The following SPHKAP variants were observed in gnomAD, a reference collection of about 807,000 sequenced individuals.
SPHKAP encodes SPHK1 interactor, AKAP domain containing.
In SPHKAP, 67 loss-of-function variants were observed where a neutral mutation model predicts 137.5. That is an observed-to-expected ratio of 0.49 (90% confidence interval 0.40 to 0.60). SPHKAP has a LOEUF of 0.60. SPHKAP is among the 20% of genes least tolerant of loss of function. SPHKAP has a pLI of 0.00. For synonymous variants in SPHKAP, 813 were observed against 785.3 expected, an observed-to-expected ratio of 1.04 and a Z score of -0.59; for missense variants, 2,097 against 2,069.3, an observed-to-expected ratio of 1.01 and a Z score of -0.26.
At chr2:228,027,737 G>A (rs568116936) in intron 3 of SPHKAP, among the ~76,000 whole-genome samples, 194 bp from the exon 4 acceptor site, 64 of 152,148 alleles carry the variant, frequency 4.2e-4, no homozygotes, top group Non-Finnish European at 6.9e-4. Context: ...GGAGGCCAAG[G>A]CGGGCAGATC....
chr2:228,070,898 A>G (rs1293824972), intron 3 of SPHKAP, among the ~76,000 whole-genome samples: 1 of 152,158 alleles, frequency 6.6e-6, no homozygotes, highest in Non-Finnish European at 1.5e-5. Context: ...ATGTTTGGGA[A>G]CAAATAGACC....
intron 9 of SPHKAP, among the ~76,000 whole-genome samples, chr2:227,992,011 T>A (rs1011563209): frequency 1.3e-5 from 2 of 152,152 alleles, no homozygotes; most frequent in African/African-American, 4.8e-5. Flanking sequence ...TTGGAGGTGT[T>A]TTCATATGGT....
intron 3 of SPHKAP, among the ~76,000 whole-genome samples, chr2:228,042,930 G>A (rs901072877): frequency 1.3e-5 from 2 of 152,162 alleles, no homozygotes; most frequent in South Asian, 2.1e-4. Context: ...ATGGGTGCCA[G>A]CATTATGGGT....
rs915922377 is a variant in SPHKAP, at chr2:228,019,532, G to T, written c.1322C>A (p.Ser441Tyr). 4 of 1,614,182 alleles carry T rather than the reference G, an allele frequency of 2.5e-6. No individual in the cohort carries two copies. Among genetic ancestry groups the T allele is most frequent in the African/African-American group, 1.3e-5 (1 of 75,046 alleles). The change falls in exon 7 of 12, where the codon TCT (serine) becomes TAT (tyrosine). Residue 441 changes from serine (S) to tyrosine (Y), a missense_variant. Physicochemically the swap from Ser to Tyr is moderately radical, Grantham distance 144. Transcript: ENST00000392056. ...TTTGGGGAGCTCATTCCATGACCGAGAAACCACTGTATCTTTTGTGGAATA... is the reference window on the plus strand; with the variant it reads ...TTTGGGGAGCTCATTCCATGACCGATAAACCACTGTATCTTTTGTGGAATA... ...SCYSTKDTVVSRSWNELPKIV... is the reference protein window; with the variant it reads ...SCYSTKDTVVYRSWNELPKIV...
chr2:228,045,322 A>G (rs1371140289), intron 3 of SPHKAP, among the ~76,000 whole-genome samples: 1 of 143,304 alleles, frequency 7.0e-6, no homozygotes, highest in East Asian at 2.0e-4. Flanking sequence ...AGCACTATTC[A>G]CTATAGCAAA....
At chr2:228,064,108 G>C (rs1161897937) in intron 3 of SPHKAP, among the ~76,000 whole-genome samples, 1 of 152,132 alleles carries the variant, frequency 6.6e-6, no homozygotes, top group Non-Finnish European at 1.5e-5. Context: ...CTTAAAGTCA[G>C]AATCATAAGT....
At chr2:228,032,070 G>A (rs898593236) in intron 3 of SPHKAP, among the ~76,000 whole-genome samples, 4 of 152,248 alleles carry the variant, frequency 2.6e-5, no homozygotes, top group South Asian at 2.1e-4. Flanking sequence ...GTCTTCAGAC[G>A]ATCAAACTAC....
At chr2:228,133,070 G>T (rs1699310130) in intron 1 of SPHKAP, among the ~76,000 whole-genome samples, 1 of 152,082 alleles carries the variant, frequency 6.6e-6, no homozygotes, top group Non-Finnish European at 1.5e-5. Context: ...ACTTTCGGAG[G>T]CCGAGGCCGG....
intron 10 of SPHKAP, 21 bp downstream of exon 10, chr2:227,991,253 A>C (rs1202014262): frequency 4.3e-6 from 7 of 1,614,076 alleles, no homozygotes; most frequent in Non-Finnish European, 5.9e-6. Context: ...TGTGTGTCAA[A>C]AGTATGGGAA....
chr2:228,053,063 G>A (rs9646883), intron 3 of SPHKAP, among the ~76,000 whole-genome samples: 93,656 of 151,952 alleles, frequency 0.62, 29,341 homozygotes, highest in East Asian at 0.78. Context: ...TCCTAGATCA[G>A]GGTGCCTGCT....
At chr2:228,168,375 C>A (rs1234614903) in intron 1 of SPHKAP, among the ~76,000 whole-genome samples, 1 of 152,114 alleles carries the variant, frequency 6.6e-6, no homozygotes, top group South Asian at 2.1e-4. Flanking sequence ...ATCCAGTAAT[C>A]CTATTGGCAT....
intron 2 of SPHKAP, among the ~76,000 whole-genome samples, chr2:228,124,788 A>G (rs1479275742): frequency 6.6e-6 from 1 of 152,194 alleles, no homozygotes; most frequent in Non-Finnish European, 1.5e-5. Flanking sequence ...TCCGATTTGT[A>G]TGCCTGTGCC....
chr2:228,154,504 C>CTATATATATA (rs1559203866), intron 1 of SPHKAP, among the ~76,000 whole-genome samples: 9 of 28,074 alleles, frequency 3.2e-4, no homozygotes, highest in Admixed American at 5.1e-4. Context: ...CTCTCTCTCT[C>CTATATATATA]TCTCTCTCTA....
At chr2:228,136,016 G>T (rs559853379) in intron 1 of SPHKAP, among the ~76,000 whole-genome samples, 1 of 152,188 alleles carries the variant, frequency 6.6e-6, no homozygotes, top group South Asian at 2.1e-4. Context: ...GATGGAGAAA[G>T]AATTTTTAGA....
chr2:228,130,293 G>T (rs1205973652), intron 2 of SPHKAP, among the ~76,000 whole-genome samples: 1 of 152,166 alleles, frequency 6.6e-6, no homozygotes, highest in Non-Finnish European at 1.5e-5. Context: ...TTCTCTGACT[G>T]TATGCTTGCT....
intron 1 of SPHKAP, among the ~76,000 whole-genome samples, chr2:228,170,363 G>A (rs1248789633): frequency 6.6e-6 from 1 of 152,098 alleles, no homozygotes; most frequent in Non-Finnish European, 1.5e-5. Context: ...GAGATTGTGA[G>A]GATTGATTCT....
At chr2:228,105,717 G>T (rs6748212) in intron 3 of SPHKAP, among the ~76,000 whole-genome samples, 2,289 of 152,186 alleles carry the variant, frequency 0.015, 64 homozygotes, top group African/African-American at 0.048. Context: ...TCTCACAAGA[G>T]CTGATGTATT....
chr2:228,030,586 G>A (rs1258450079), intron 3 of SPHKAP, among the ~76,000 whole-genome samples: 1 of 147,426 alleles, frequency 6.8e-6, no homozygotes, highest in African/African-American at 2.5e-5. Context: ...TAAATTAGGT[G>A]TGAGACTGAA....
chr2:228,111,700 T>C (rs886782451), intron 2 of SPHKAP, among the ~76,000 whole-genome samples: 1 of 152,154 alleles, frequency 6.6e-6, no homozygotes, highest in African/African-American at 2.4e-5. Context: ...GTAGGAATTA[T>C]TATAAAGATA....
Sources: allele counts gnomAD v4.1 joint callset (sites outside exome capture counted in the v4.1 genomes callset), GRCh38; gene constraint gnomAD v4.1.1; transcripts MANE v1.5; gene names NCBI Gene and HGNC (gene_info 2026-07-23, HGNC 2026-07-21).